The following MIR17HG variants were observed in gnomAD, a reference collection of about 807,000 sequenced individuals.
The protein encoded by MIR17HG is miR-17-92a-1 cluster host gene, also known as MIR17 host gene (non-protein coding).
intron 3 of MIR17HG, chr13:91,353,810 A>G (rs991096837): frequency 6.7e-6 from 1 of 149,608 alleles, no homozygotes; most frequent in African/African-American, 2.5e-5. Context: ...GTTTGCATGT[A>G]CAACTTTCTA....
At chr13:91,354,245 G>T (rs1875463313) in exon 4 of MIR17HG, 1 of 152,130 alleles carries the variant, frequency 6.6e-6, no homozygotes, top group Non-Finnish European at 1.5e-5. Flanking sequence ...TAGCTTAGTG[G>T]TTGTATGAGT....
At chr13:91,347,803 G>A (rs1875034746), upstream of MIR17HG, 1 of 151,438 alleles carries the variant, frequency 6.6e-6, no homozygotes, top group African/African-American at 2.4e-5. Context: ...GCGCCGCCGG[G>A]GCTCGCGCTC....
chr13:91,349,246 T>C (rs2138689416), intron 1 of MIR17HG, among the ~76,000 whole-genome samples: 1 of 152,314 alleles, frequency 6.6e-6, no homozygotes, highest in Middle Eastern at 3.4e-3. Flanking sequence ...AGGCTCGTCG[T>C]TGCAATATCA....
At chr13:91,354,167 C>T (rs1458893010) in exon 4 of MIR17HG, 3 of 152,212 alleles carry the variant, frequency 2.0e-5, no homozygotes, top group African/African-American at 4.8e-5. Flanking sequence ...TCAATCTGCA[C>T]AGAGCCAGTT....
intron 2 of MIR17HG, chr13:91,349,953 A>G (rs1875210137): frequency 6.6e-6 from 1 of 152,292 alleles, no homozygotes; most frequent in Non-Finnish European, 1.5e-5. Context: ...TAGTAAAATT[A>G]CAGTGTAAAT....
At chr13:91,347,867 G>A (rs957962084) in exon 1 of MIR17HG, 1 of 150,898 alleles carries the variant, frequency 6.6e-6, no homozygotes, top group African/African-American at 2.4e-5. Flanking sequence ...CCCGGCCTGG[G>A]GCCTCCGGTC....
At chr13:91,352,078 C>G (rs972095300) in intron 3 of MIR17HG, 5 of 152,232 alleles carry the variant, frequency 3.3e-5, no homozygotes, top group African/African-American at 9.7e-5. Flanking sequence ...GTACACTCTT[C>G]CCAAATGCCA....
chr13:91,351,789 C>G (rs1321180254), intron 3 of MIR17HG: 2 of 184,518 alleles, frequency 1.1e-5, no homozygotes, highest in Non-Finnish European at 2.4e-5. Flanking sequence ...GAGAGAATGC[C>G]GCTCTGTTTA....
Position 91,352,583 on chromosome 13 carries a change from T to C in MIR17HG, n.285-1350T>C, listed in dbSNP as rs576567370. Reference sequence around the variant, plus strand: ...AACAAAAGTTTTCACCTCTAATGTGTTCTTTAAGAAATTTAAGGAACTTAG... The same window carrying C: ...AACAAAAGTTTTCACCTCTAATGTGCTCTTTAAGAAATTTAAGGAACTTAG... On this transcript the variant is annotated intron_variant and non_coding_transcript_variant, in intron 3 of 3. Transcript: ENST00000400282. Among the ~76,000 whole-genome samples, 97 of 152,334 alleles carry C rather than the reference T, an allele frequency of 6.4e-4. No individual in the cohort carries two copies. In the Middle Eastern group the frequency reaches 0.017, roughly 27 times the overall value.
intron 1 of MIR17HG, among the ~76,000 whole-genome samples, chr13:91,349,172 C>T (rs548050958): frequency 1.4e-3 from 211 of 152,176 alleles, no homozygotes; most frequent in Non-Finnish European, 2.3e-3. Context: ...TTTGCAGTCT[C>T]GGGTGTTCCT....
chr13:91,348,987 G>GCGCCGCCGGT (rs1386993413), intron 1 of MIR17HG, among the ~76,000 whole-genome samples: 1 of 150,474 alleles, frequency 6.6e-6, no homozygotes, highest in African/African-American at 2.4e-5. Context: ...TCGGGCCTCG[G>GCGCCGCCGGT]CGCCGCCGGT....
chr13:91,352,396 A>G (rs1875361139), intron 3 of MIR17HG: 2 of 152,198 alleles, frequency 1.3e-5, no homozygotes, highest in Admixed American at 6.5e-5. Context: ...CCCAAGCTGA[A>G]GTACAGGCAA....
intron 3 of MIR17HG, chr13:91,350,246 C>T (rs1227366894): frequency 2.4e-5 from 5 of 207,938 alleles, no homozygotes; most frequent in Non-Finnish European, 5.0e-5. Context: ...GACTAAATTG[C>T]CTTTAAATGT....
chr13:91,348,809 G>A (rs998992070), intron 1 of MIR17HG, among the ~76,000 whole-genome samples: 1 of 149,940 alleles, frequency 6.7e-6, no homozygotes, highest in Non-Finnish European at 1.5e-5. Context: ...ACGGGGGTGA[G>A]GGCGGGGGAC....
chr13:91,350,708 G>C (rs917986882), intron 3 of MIR17HG: 2 of 534,004 alleles, frequency 3.7e-6, no homozygotes, highest in South Asian at 2.8e-5. Flanking sequence ...GGGAAGCCAA[G>C]TTGGGCTTTA....
intron 3 of MIR17HG, chr13:91,353,850 T>C (rs779523065): frequency 6.6e-6 from 1 of 152,330 alleles, no homozygotes; most frequent in Non-Finnish European, 1.5e-5. Context: ...AAGAAAGCAC[T>C]TAACATTTTA....
chr13:91,352,866 G>C (rs1277780363), intron 3 of MIR17HG, among the ~76,000 whole-genome samples: 4 of 151,988 alleles, frequency 2.6e-5, no homozygotes, highest in Admixed American at 2.0e-4. Flanking sequence ...CCTAGCACTT[G>C]GGGAGGCTGA....
intron 3 of MIR17HG, among the ~76,000 whole-genome samples, chr13:91,353,148 C>T (rs1875412408): frequency 8.0e-6 from 1 of 125,504 alleles, no homozygotes; most frequent in South Asian, 2.8e-4. Context: ...TTTCATAATA[C>T]AGCATGGTCT....
rs183961653 is a variant in MIR17HG at position 91,353,150 on chromosome 13, G to C, written n.285-783G>C. Among the ~76,000 whole-genome samples the C allele has an allele frequency of 8.6e-4, 119 of 138,418 alleles. 1 individual carries two copies. In the East Asian group the frequency reaches 0.014, roughly 16 times the overall value. 90.8% of individuals were successfully genotyped at this position (138,418 alleles called of 152,430 possible). ...AAAAAAAAAAAAGTTTCATAATACA[G>C]CATGGTCTGGTAGTTTGCAAAATGG... On this transcript the variant is annotated intron_variant and non_coding_transcript_variant, in intron 3 of 3. Transcript: ENST00000400282.
Sources: allele counts gnomAD v4.1 joint callset (sites outside exome capture counted in the v4.1 genomes callset), GRCh38; gene constraint gnomAD v4.1.1; transcripts MANE v1.5; gene names NCBI Gene and HGNC (gene_info 2026-07-23, HGNC 2026-07-21).